XPR1: variants seen among roughly 807,000 people sequenced by gnomAD.
XPR1 encodes the protein xenotropic and polytropic retrovirus receptor 1.
Under a neutral mutation model 87.5 loss-of-function variants are expected in XPR1, and 28 were observed. That is an observed-to-expected ratio of 0.32 (90% CI 0.24 to 0.44). XPR1 has a LOEUF of 0.44. Ranked by LOEUF, XPR1 falls within the 20% of genes least tolerant of loss-of-function variation. The pLI is 1.00. For missense variants in XPR1, 559 were observed against 862.3 expected (o/e 0.65, Z 4.41); for synonymous variants, 300 against 306.1 (o/e 0.98, Z 0.21).
At chr1:180,686,101 C>T (rs1401337647) in intron 2 of XPR1, among the ~76,000 whole-genome samples, 1 of 152,072 alleles carries the variant, frequency 6.6e-6, no homozygotes, top group East Asian at 1.9e-4. Flanking sequence ...TTAGATCTTT[C>T]CTGCTTTCTC....
chr1:180,855,481 A>T (rs563133595), intron 11 of XPR1, among the ~76,000 whole-genome samples: 2 of 152,220 alleles, frequency 1.3e-5, no homozygotes, highest in South Asian at 4.1e-4. Flanking sequence ...CCTGGCCAAC[A>T]TGGTGAAACC....
rs1256332231 is a variant in XPR1 at position 180,886,696 on chromosome 1, A to G, written c.*2630A>G. 1 of 152,168 alleles carries G rather than the reference A, an allele frequency of 6.6e-6. No homozygotes were observed. Among genetic ancestry groups the G allele is most frequent in the Non-Finnish European group, 1.5e-5 (1 of 68,038 alleles). 9.4% of individuals were successfully genotyped at this position (152,168 alleles called of 1,614,324 possible). ...TTCCTCTTAAAGCTGTAAAGAGAAAAGAGGACTTTTCCTCATCAAGAGAGC... is the reference window on the plus strand; with the variant it reads ...TTCCTCTTAAAGCTGTAAAGAGAAAGGAGGACTTTTCCTCATCAAGAGAGC... On this transcript the variant is annotated 3_prime_UTR_variant, in exon 15 of 15. Transcript: ENST00000367590.
At chr1:180,729,642 C>G (rs1647196474) in intron 2 of XPR1, among the ~76,000 whole-genome samples, 3 of 152,176 alleles carry the variant, frequency 2.0e-5, no homozygotes, top group South Asian at 4.1e-4. Context: ...TTGCATTTCT[C>G]TAATGAGTGG....
chr1:180,674,498 A>T (rs1193239466), intron 1 of XPR1, among the ~76,000 whole-genome samples: 1 of 151,684 alleles, frequency 6.6e-6, no homozygotes, highest in African/African-American at 2.4e-5. Context: ...ACCTCAGGTG[A>T]CCCACCCTCC....
Position 180,744,652 on chromosome 1 carries a change from TTC to T in XPR1, c.122-43099_122-43098del, listed in dbSNP as rs1299256034. 4.0e-3 allele frequency among the ~76,000 whole-genome samples: 448 copies of T among 111,222 alleles called. 50 individuals are homozygous for T. The highest frequency in any genetic ancestry group is 0.014 in the African/African-American group (388 of 27,298). 73.0% of individuals were successfully genotyped at this position (111,222 alleles called of 152,430 possible). A position where few individuals can be genotyped will look rare whatever the true frequency, so the allele number is the denominator to read the frequency against. Reference sequence around the variant, plus strand: ...TTGTTCAGGTTTAGGCACAATTTCTTTCTTTTTTTTTTTTTTGAGACAGAATC... The same window carrying T: ...TTGTTCAGGTTTAGGCACAATTTCTTTTTTTTTTTTTTTTGAGACAGAATC... On this transcript the variant is annotated intron_variant, in intron 2 of 14. Transcript: ENST00000367590.
intron 12 of XPR1, among the ~76,000 whole-genome samples, chr1:180,865,768 G>A (rs747446571): frequency 6.6e-6 from 1 of 152,014 alleles, no homozygotes; most frequent in Non-Finnish European, 1.5e-5. Flanking sequence ...TGATTTCTAG[G>A]TAATAAAATT....
At chr1:180,844,893 C>G (rs142225065) in intron 11 of XPR1, among the ~76,000 whole-genome samples, 109 of 152,302 alleles carry the variant, frequency 7.2e-4, no homozygotes, top group African/African-American at 2.5e-3. Context: ...AAGGCCATTG[C>G]AACTGCTAGG....
intron 3 of XPR1, among the ~76,000 whole-genome samples, chr1:180,796,320 A>G (rs1385600942): frequency 3.3e-5 from 5 of 152,162 alleles, no homozygotes; most frequent in African/African-American, 1.2e-4. Context: ...TTTTAAACCT[A>G]TACCCCTTTG....
At chr1:180,758,316 A>T (rs1039533473) in intron 2 of XPR1, among the ~76,000 whole-genome samples, 1 of 152,204 alleles carries the variant, frequency 6.6e-6, no homozygotes, top group Non-Finnish European at 1.5e-5. Flanking sequence ...AATAAGGAAT[A>T]GATTTGTGGT....
chr1:180,785,882 A>G (rs1442133621), intron 2 of XPR1, among the ~76,000 whole-genome samples: 1 of 151,512 alleles, frequency 6.6e-6, no homozygotes, highest in African/African-American at 2.4e-5. Context: ...CTATAGCTAG[A>G]TGTTAGTTAT....
intron 2 of XPR1, among the ~76,000 whole-genome samples, chr1:180,755,319 A>G (rs1647689813): frequency 6.6e-6 from 1 of 152,204 alleles, no homozygotes; most frequent in Non-Finnish European, 1.5e-5. Context: ...CAGTGCAGTT[A>G]ATAAGTTAAG....
intron 14 of XPR1, among the ~76,000 whole-genome samples, chr1:180,881,411 C>T (rs968970667): frequency 6.6e-6 from 1 of 152,196 alleles, no homozygotes; most frequent in African/African-American, 2.4e-5. Context: ...GATCCGCCCG[C>T]ATTGGCCTCC....
chr1:180,682,862 TTATG>T (rs1213412029), intron 2 of XPR1, among the ~76,000 whole-genome samples: 2 of 151,996 alleles, frequency 1.3e-5, no homozygotes, highest in African/African-American at 2.4e-5. Context: ...GTAAGCATGT[TTATG>T]TATACATGTG....
intron 1 of XPR1, among the ~76,000 whole-genome samples, chr1:180,674,933 A>G (rs982540456): frequency 4.0e-5 from 6 of 151,332 alleles, no homozygotes; most frequent in East Asian, 1.9e-4. Flanking sequence ...GCAAAACACC[A>G]TTTTTTTTCC....
chr1:180,705,417 G>C (rs1253052118), intron 2 of XPR1, among the ~76,000 whole-genome samples: 1 of 152,138 alleles, frequency 6.6e-6, no homozygotes, highest in Non-Finnish European at 1.5e-5. Flanking sequence ...TTTATTTGAG[G>C]TTGAGATGCC....
At chr1:180,769,425 C>T (rs1486610956) in intron 2 of XPR1, among the ~76,000 whole-genome samples, 1 of 143,688 alleles carries the variant, frequency 7.0e-6, no homozygotes, top group Admixed American at 7.0e-5. Context: ...ACCTCCCCCA[C>T]TACCCTTCCC....
chr1:180,758,201 A>G (rs909404526), intron 2 of XPR1, among the ~76,000 whole-genome samples: 9 of 151,908 alleles, frequency 5.9e-5, no homozygotes, highest in African/African-American at 1.9e-4. Context: ...GGCAATATGG[A>G]TGGACCTGCA....
In XPR1 at chr1:180,889,590, T is replaced by TCA. The variant is rs1653122203; in HGVS notation, c.*5525_*5526dup. The TCA allele has an allele frequency of 6.6e-6, 1 of 152,246 alleles. No homozygotes were observed. Among genetic ancestry groups the TCA allele is most frequent in the South Asian group, 2.1e-4 (1 of 4,834 alleles). The allele number at this position is 152,246 out of a possible 1,614,324, so 9.4% of individuals were successfully genotyped here. ...TGGAAAATCCCTAAAGGGTCATTGT[T>TCA]CATGACGTTATTTTGAATTGTAAAA... On this transcript the variant is annotated 3_prime_UTR_variant, in exon 15 of 15. Coordinates refer to ENST00000367590, the MANE Select transcript of XPR1 (RefSeq NM_004736.4).
chr1:180,803,293 A>T, intron 3 of XPR1, 95 bp from the exon 4 acceptor site: 1 of 1,184,314 alleles, frequency 8.4e-7, no homozygotes. Context: ...TCTTCTAGAA[A>T]TTCTAAGGGA....
Sources: gnomAD v4.1 joint callset for allele counts (sites outside exome capture counted in the v4.1 genomes callset) on GRCh38, gnomAD v4.1.1 for gene constraint, MANE v1.5 for transcripts, NCBI Gene and HGNC (gene_info 2026-07-23, HGNC 2026-07-21) for gene names.